Variants in ANGPT4 observed in about 807,000 individuals in gnomAD.
ANGPT4 encodes angiopoietin-4.
ANGPT4 carries 50 observed loss-of-function variants against 53.0 expected under a neutral mutation model. That is an observed-to-expected ratio of 0.94 (90% CI 0.75 to 1.20). The LOEUF (loss-of-function observed/expected upper bound fraction) is 1.20, where lower values mean the gene tolerates loss of function less well. Ranked by LOEUF, ANGPT4 falls within the 50% of genes most tolerant of loss-of-function variation. ANGPT4 has a pLI of 0.00. For synonymous variants in ANGPT4, 251 were observed against 259.7 expected (o/e 0.97, Z 0.32); for missense variants, 648 against 637.1 (o/e 1.02, Z -0.18).
intron 1 of ANGPT4, among the ~76,000 whole-genome samples, chr20:907,078 CTCAT>C (rs1982502023): frequency 6.6e-6 from 1 of 152,180 alleles, no homozygotes; most frequent in Admixed American, 6.5e-5. Context: ...CCTCAGTGGC[CTCAT>C]TGTTTCCTCC....
chr20:904,018 C>T (rs1440451301), intron 1 of ANGPT4, among the ~76,000 whole-genome samples: 1 of 152,140 alleles, frequency 6.6e-6, no homozygotes, highest in Non-Finnish European at 1.5e-5. Context: ...AGATCTGGTG[C>T]AGACGTATGA....
At chr20:887,506 G>T (rs916656598) in intron 3 of ANGPT4, among the ~76,000 whole-genome samples, 1 of 152,236 alleles carries the variant, frequency 6.6e-6, no homozygotes, top group Non-Finnish European at 1.5e-5. Context: ...CCTGTGGCTT[G>T]TTCAGTGGGT....
intron 1 of ANGPT4, among the ~76,000 whole-genome samples, chr20:894,491 G>T (rs987540556): frequency 1.3e-5 from 2 of 152,104 alleles, no homozygotes; most frequent in Non-Finnish European, 2.9e-5. Context: ...TGGTCCGGGG[G>T]TCCGTGGTAA....
At chr20:909,551 G>A (rs1013105121) in intron 1 of ANGPT4, among the ~76,000 whole-genome samples, 2 of 152,190 alleles carry the variant, frequency 1.3e-5, no homozygotes, top group African/African-American at 4.8e-5. Context: ...GTGAATCCTG[G>A]AGTCTTGACG....
intron 1 of ANGPT4, among the ~76,000 whole-genome samples, chr20:900,131 C>T (rs2122841052): frequency 6.6e-6 from 1 of 152,324 alleles, no homozygotes; most frequent in East Asian, 1.9e-4. Flanking sequence ...CTTAAAACCT[C>T]TCATTTCCTT....
At chr20:904,384 A>G (rs1191968228) in intron 1 of ANGPT4, among the ~76,000 whole-genome samples, 2 of 152,220 alleles carry the variant, frequency 1.3e-5, no homozygotes, top group Non-Finnish European at 2.9e-5. Flanking sequence ...CATGTTCCAC[A>G]TTCATCCAGG....
At chr20:899,196 G>A (rs923328944) in intron 1 of ANGPT4, among the ~76,000 whole-genome samples, 5 of 151,998 alleles carry the variant, frequency 3.3e-5, no homozygotes, top group African/African-American at 4.8e-5. Context: ...GGGTATTGAC[G>A]GCCAGGCTGC....
At chr20:878,062 GA>G in intron 7 of ANGPT4, 98 bp downstream of exon 7, 1 of 1,345,564 alleles carries the variant, frequency 7.4e-7, no homozygotes, top group Non-Finnish European at 1.0e-6. Flanking sequence ...CCCAGAGACT[GA>G]CCGTTGGAGC....
intron 6 of ANGPT4, 90 bp downstream of exon 6, chr20:879,657 G>A (rs1981313796): frequency 9.8e-7 from 1 of 1,018,038 alleles, no homozygotes; most frequent in Non-Finnish European, 1.4e-6. Context: ...TCTGGGGGAG[G>A]AATGAGGGCA....
Position 881,277 on chromosome 20 carries a change from A to G in ANGPT4, c.845T>C (p.Met282Thr), listed in dbSNP as rs748463764. 6 of 1,614,180 alleles carry G rather than the reference A, an allele frequency of 3.7e-6. No homozygotes were observed. Among genetic ancestry groups the G allele is most frequent in the East Asian group, 2.2e-5 (1 of 44,880 alleles). Reference protein sequence around the residue: ...RANASAPAFIMAGEQVFQDCA... With the variant: ...RANASAPAFITAGEQVFQDCA... ...GTCCTGGAACACCTGCTCACCTGCC[A>G]TTATGAAGGCTGCAAAGGGACAACA... The change falls in exon 5 of 9, where the codon ATG becomes ACG. Residue 282 changes from methionine (M) to threonine (T), a missense_variant. Met to Thr is a moderately conservative substitution (Grantham distance 81). Transcript: ENST00000381922.
chr20:909,560 C>T (rs1465391220), intron 1 of ANGPT4, among the ~76,000 whole-genome samples: 8 of 152,316 alleles, frequency 5.3e-5, no homozygotes, highest in South Asian at 2.1e-4. Context: ...GGAGTCTTGA[C>T]GTTTACTGAG....
rs1980917467 is a variant in ANGPT4 at position 870,934 on chromosome 20, AT to A, written c.*2025del. The A allele has an allele frequency of 6.6e-6, 1 of 152,178 alleles. No homozygotes were observed. The highest frequency in any genetic ancestry group is 2.1e-4 in the South Asian group (1 of 4,828). 9.4% of individuals were successfully genotyped at this position (152,178 alleles called of 1,614,324 possible). A position where few individuals can be genotyped will look rare whatever the true frequency, so the allele number is the denominator to read the frequency against. On this transcript the variant is annotated 3_prime_UTR_variant, in exon 9 of 9. Transcript: ENST00000381922. ...AGCCCAGCCAGGAAGGAATATTATC[AT>A]CTCCATTTTACAGATGGGAAAACTG...
chr20:874,296 C>T lies in ANGPT4; in HGVS notation c.1339G>A (p.Val447Met), dbSNP rs755769000. 2 of 1,614,092 alleles carry T rather than the reference C, an allele frequency of 1.2e-6. No individual in the cohort carries two copies. The highest frequency in any genetic ancestry group is 1.1e-5 in the South Asian group (1 of 91,076). ...NDHCLCKCAQ[V>M]MSGGWWFDAC... ...ACCCTGCACCTACCTCCAGACATCACTTGGGCACACTTGCAGAGACAGTGG... is the reference window on the plus strand; with the variant it reads ...ACCCTGCACCTACCTCCAGACATCATTTGGGCACACTTGCAGAGACAGTGG... Residue 447 changes from valine to methionine, a missense_variant, in exon 8 of 9, where the codon GTG becomes ATG. By Grantham distance (21) the Val-to-Met change is conservative. Coordinates refer to ENST00000381922, the MANE Select transcript of ANGPT4 (RefSeq NM_015985.4).
intron 1 of ANGPT4, among the ~76,000 whole-genome samples, chr20:904,527 T>C (rs534947735): frequency 3.2e-4 from 48 of 152,346 alleles, no homozygotes; most frequent in Non-Finnish European, 5.9e-4. Context: ...CTGCTACAAA[T>C]ATCCTTGTAC....
chr20:905,464 A>G (rs1049011527), intron 1 of ANGPT4, among the ~76,000 whole-genome samples: 6 of 152,192 alleles, frequency 3.9e-5, no homozygotes, highest in Non-Finnish European at 7.3e-5. Context: ...CCTCGAGCCC[A>G]GGCCCAGCCA....
At chr20:874,214 G>A in intron 8 of ANGPT4, 70 bp downstream of exon 8, 2 of 1,590,978 alleles carry the variant, frequency 1.3e-6, no homozygotes, top group Non-Finnish European at 1.7e-6. Context: ...CAAGAACCTG[G>A]GGAGGGAATG....
intron 4 of ANGPT4, among the ~76,000 whole-genome samples, chr20:883,743 G>A (rs764114551): frequency 6.6e-6 from 1 of 152,236 alleles, no homozygotes; most frequent in African/African-American, 2.4e-5. Context: ...GGTTACCAGT[G>A]GGTTAGTGGG....
rs1981077617 is a variant in ANGPT4, at chr20:874,394, C to T, written c.1241G>A (p.Ser414Asn). The change falls in exon 8 of 9, where the codon AGC (serine) becomes AAC (asparagine). Residue 414 changes from serine (S) to asparagine (N), a missense_variant. Ser to Asn is a conservative substitution (Grantham distance 46, BLOSUM62 1). Coordinates refer to ENST00000381922, the MANE Select transcript of ANGPT4 (RefSeq NM_015985.4). ...QLYRLSVVGY[S>N]GSAGRQSSLV... ...GCTGCTCTGGCGCCCTGCTGAGCCG[C>T]TGTACCCGACCACAGAAAGCCTGGA... The T allele has an allele frequency of 1.9e-6, 3 of 1,613,550 alleles. No individual in the cohort carries two copies. Among genetic ancestry groups the T allele is most frequent in the African/African-American group, 1.3e-5 (1 of 74,928 alleles).
At chr20:910,336 A>G (rs1284601906) in intron 1 of ANGPT4, among the ~76,000 whole-genome samples, 2 of 152,184 alleles carry the variant, frequency 1.3e-5, no homozygotes, top group Non-Finnish European at 2.9e-5. Context: ...TCATTACGTC[A>G]TAACTGCTTT....
Sources: gnomAD v4.1 joint callset for allele counts (sites outside exome capture counted in the v4.1 genomes callset) on GRCh38, gnomAD v4.1.1 for gene constraint, MANE v1.5 for transcripts, NCBI Gene and HGNC (gene_info 2026-07-23, HGNC 2026-07-21) for gene names.